IFI44L: variants seen among roughly 807,000 people sequenced by gnomAD.
IFI44L encodes interferon induced protein 44 like, also known as interferon-induced protein 44-like.
IFI44L carries 40 observed loss-of-function variants against 39.3 expected under a neutral mutation model. The ratio of observed to expected loss-of-function variants is 1.02; its 90% CI spans 0.79 to 1.33. The LOEUF (loss-of-function observed/expected upper bound fraction) is 1.33, where lower values mean the gene tolerates loss of function less well. Among genes scored for constraint, IFI44L ranks in the 40% most tolerant of loss-of-function variants. The probability of loss-of-function intolerance (pLI) is 0.00; values close to 1 mark genes in which losing one functional copy is unlikely to be tolerated. For missense variants in IFI44L, 623 were observed against 549.0 expected (o/e 1.13, Z -1.35); for synonymous variants, 198 against 182.3 (o/e 1.09, Z -0.69).
rs1303490900 is a variant in IFI44L at position 78,643,158 on chromosome 1, C to CTTTTTTTTTTTTTTT, written c.*1351_*1352insTTTTTTTTTTTTTTT. On this transcript the variant is annotated 3_prime_UTR_variant, in exon 9 of 9. Coordinates refer to ENST00000370751, the MANE Select transcript of IFI44L (RefSeq NM_006820.4). Reference sequence around the variant, plus strand: ...ATAGATATTAAGAAAGCAAGAGTTTCTTATGTCCAGTTATGGAATATTTCC... The same window carrying CTTTTTTTTTTTTTTT: ...ATAGATATTAAGAAAGCAAGAGTTTCTTTTTTTTTTTTTTTTTATGTCCAGTTATGGAATATTTCC... 6.6e-6 allele frequency: 1 copy of CTTTTTTTTTTTTTTT among 151,518 alleles called. No individual in the cohort carries two copies. Among genetic ancestry groups the CTTTTTTTTTTTTTTT allele is most frequent in the Non-Finnish European group, 1.5e-5 (1 of 67,850 alleles). The allele number at this position is 151,518 out of a possible 1,614,324, so 9.4% of individuals were successfully genotyped here. A position where few individuals can be genotyped will look rare whatever the true frequency, so the allele number is the denominator to read the frequency against.
At position 78,637,036 on chromosome 1, in the gene IFI44L, A is replaced by T. The variant is rs759521710; in HGVS notation, c.881A>T (p.Asn294Ile). Residue 294 changes from asparagine (N) to isoleucine (I), a missense_variant, in exon 6 of 9, where the codon AAT becomes ATT. Physicochemically the swap from Asn to Ile is moderately radical, Grantham distance 149. Coordinates refer to ENST00000370751, the MANE Select transcript of IFI44L (RefSeq NM_006820.4). ...TACCTTATGTTTTTATAACAGTTTA[A>T]TTCCCGTAAACCAATTACACCTGAG... Reference protein sequence around the residue: ...KGCMPDRYQFNSRKPITPEHS... With the variant: ...KGCMPDRYQFISRKPITPEHS... 1 of 1,607,810 alleles carries T rather than the reference A, an allele frequency of 6.2e-7. No homozygotes were observed. Among genetic ancestry groups the T allele is most frequent in the Admixed American group, 1.7e-5 (1 of 59,710 alleles).
At chr1:78,623,396 G>GTT (rs71078508) in intron 1 of IFI44L, among the ~76,000 whole-genome samples, 17 of 121,304 alleles carry the variant, frequency 1.4e-4, no homozygotes, top group Middle Eastern at 5.1e-3. Context: ...AGTGTTTTTT[G>GTT]TTTTTTTTTT....
chr1:78,625,545 G>A (rs1433695824), intron 1 of IFI44L: 1 of 151,924 alleles, frequency 6.6e-6, no homozygotes, highest in Admixed American at 6.6e-5. Flanking sequence ...AGTGTCAGCA[G>A]TGTTTTACAA....
intron 6 of IFI44L, among the ~76,000 whole-genome samples, chr1:78,637,613 A>C (rs1246848147): frequency 6.6e-6 from 1 of 152,092 alleles, no homozygotes; most frequent in African/African-American, 2.4e-5. Context: ...CCCTCATGGC[A>C]CCCACTATTC....
rs528109909 is a variant in IFI44L at position 78,628,276 on chromosome 1, A to G, written c.361A>G (p.Ile121Val). Residue 121 changes from isoleucine (I) to valine (V), a missense_variant, in exon 2 of 9, where the codon ATT (isoleucine) becomes GTT (valine). Transcript: ENST00000370751. ...QLVCRLSKTDIFIICRDNKIY... is the reference protein window; with the variant it reads ...QLVCRLSKTDVFIICRDNKIY... Reference sequence around the variant, plus strand: ...GGTGTGTCGTTTATCGAAAACGGATATTTTCATTATATGTCGAGATAATAA... The same window carrying G: ...GGTGTGTCGTTTATCGAAAACGGATGTTTTCATTATATGTCGAGATAATAA... 6.2e-7 allele frequency: 1 copy of G among 1,608,740 alleles called. No individual in the cohort carries two copies. The highest frequency in any genetic ancestry group is 8.5e-7 in the Non-Finnish European group (1 of 1,176,136).
chr1:78,633,567 G>A (rs1233955792), intron 4 of IFI44L, among the ~76,000 whole-genome samples: 1 of 152,134 alleles, frequency 6.6e-6, no homozygotes, highest in Non-Finnish European at 1.5e-5. Flanking sequence ...TTTTTGGATA[G>A]GCTGATTGTT....
intron 6 of IFI44L, 95 bp downstream of exon 6, chr1:78,637,298 T>G: frequency 1.1e-6 from 1 of 888,394 alleles, no homozygotes; most frequent in African/African-American, 1.8e-5. Flanking sequence ...CCATGTACCT[T>G]TCATCCTATT....
intron 4 of IFI44L, chr1:78,631,294 AT>A (rs1652740110): frequency 1.3e-5 from 2 of 152,156 alleles, no homozygotes; most frequent in African/African-American, 4.8e-5. Context: ...TGTTCCTGAA[AT>A]TTTACAATGT....
At chr1:78,641,739 A>G in intron 8 of IFI44L, 36 bp from the exon 9 acceptor site, 1 of 1,612,498 alleles carries the variant, frequency 6.2e-7, no homozygotes, top group Non-Finnish European at 8.5e-7. Context: ...ATTAGGATAT[A>G]TGTTTCATTT....
At chr1:78,625,071 CTTTTT>C (rs1040485780) in intron 1 of IFI44L, among the ~76,000 whole-genome samples, 79 of 141,888 alleles carry the variant, frequency 5.6e-4, no homozygotes, top group Non-Finnish European at 8.4e-4. Flanking sequence ...TCTTTCCTTC[CTTTTT>C]TTTTTTTGGT....
At chr1:78,635,563 A>G (rs2100378838) in intron 5 of IFI44L, 74 bp downstream of exon 5, 2 of 1,431,814 alleles carry the variant, frequency 1.4e-6, no homozygotes, top group Non-Finnish European at 1.9e-6. Context: ...TTAACCACAT[A>G]AGGCAATTTC....
intron 1 of IFI44L, chr1:78,626,331 C>T (rs1039072987): frequency 3.3e-5 from 5 of 151,914 alleles, no homozygotes; most frequent in Non-Finnish European, 7.4e-5. Context: ...ACATATTAAA[C>T]ATAGTAATTT....
chr1:78,628,007 G>A lies in IFI44L; in HGVS notation c.92G>A (p.Ser31Asn), dbSNP rs768413281. Residue 31 changes from serine (S) to asparagine (N), a missense_variant, in exon 2 of 9, where the codon AGT (serine) becomes AAT (asparagine). Physicochemically the swap from Ser to Asn is conservative, Grantham distance 46. Coordinates refer to ENST00000370751, the MANE Select transcript of IFI44L (RefSeq NM_006820.4). ...NVSLSLLYKSSVHGGSIEDMV... is the reference protein window; with the variant it reads ...NVSLSLLYKSNVHGGSIEDMV... The stretch of plus-strand genomic sequence containing the variant: ...TCTTTGAGTCTTCTCTATAAGTCTA[G>A]TGTTCATGGAGGTAGCATTGAAGAT... The A allele has an allele frequency of 1.2e-6, 2 of 1,613,040 alleles. No individual in the cohort carries two copies. The highest frequency in any genetic ancestry group is 1.7e-5 in the Admixed American group (1 of 59,894).
intron 1 of IFI44L, among the ~76,000 whole-genome samples, chr1:78,623,164 G>C (rs530959002): frequency 6.6e-6 from 1 of 152,110 alleles, no homozygotes; most frequent in African/African-American, 2.4e-5. Flanking sequence ...TATAATTCAG[G>C]TACCTTTTCC....
Position 78,641,036 on chromosome 1 carries a change from C to A in IFI44L, c.1064C>A (p.Ala355Asp). Residue 355 changes from alanine to aspartate, a missense_variant, in exon 7 of 9, where the codon GCC becomes GAC. Physicochemically the swap from Ala to Asp is moderately radical, Grantham distance 126. Transcript: ENST00000370751. The part of the protein sequence containing the change: ...EVLNCGIAYV[A>D]LLTKVDDCSE... ...TTTGATATAGGTATAGCATATGTGG[C>A]CTTGCTTACTAAAGTGGATGATTGC... 6.2e-7 allele frequency: 1 copy of A among 1,610,202 alleles called. No homozygotes were observed. Among genetic ancestry groups the A allele is most frequent in the Non-Finnish European group, 8.5e-7 (1 of 1,176,904 alleles).
intron 4 of IFI44L, chr1:78,631,315 C>G (rs1652740671): frequency 6.6e-6 from 1 of 152,130 alleles, no homozygotes; most frequent in Non-Finnish European, 1.5e-5. Context: ...TACTTTAACT[C>G]TAGTGCTTAG....
intron 4 of IFI44L, among the ~76,000 whole-genome samples, chr1:78,631,933 G>GA (rs146859531): frequency 1.5e-4 from 22 of 151,564 alleles, no homozygotes; most frequent in South Asian, 4.2e-4. Context: ...GCACTTACAG[G>GA]AAAAAAAATG....
Position 78,641,856 on chromosome 1 carries a change from GC to G in IFI44L, c.*49del. The G allele has an allele frequency of 6.3e-7, 1 of 1,583,386 alleles. No homozygotes were observed. Among genetic ancestry groups the G allele is most frequent in the African/African-American group, 1.3e-5 (1 of 74,242 alleles). ...CATTTGGCCCAGCCTGTACTGGTGT[GC>G]CGCAATGAGAGTCAATCTCTATTGA... On this transcript the variant is annotated 3_prime_UTR_variant, in exon 9 of 9. Coordinates refer to ENST00000370751, the MANE Select transcript of IFI44L (RefSeq NM_006820.4).
At chr1:78,624,703 G>A (rs1158726311) in intron 1 of IFI44L, among the ~76,000 whole-genome samples, 1 of 152,094 alleles carries the variant, frequency 6.6e-6, no homozygotes, top group Non-Finnish European at 1.5e-5. Context: ...CTCTTATTGT[G>A]TTGCTGTTTC....
Sources: gnomAD v4.1 joint callset for allele counts (sites outside exome capture counted in the v4.1 genomes callset) on GRCh38, gnomAD v4.1.1 for gene constraint, MANE v1.5 for transcripts, NCBI Gene and HGNC (gene_info 2026-07-23, HGNC 2026-07-21) for gene names.